Variants in JADE2 observed in about 807,000 individuals in gnomAD.
The protein encoded by JADE2 is E3 ubiquitin-protein ligase Jade-2.
A neutral mutation model predicts 85.7 loss-of-function variants in JADE2; 13 were observed. That is an observed-to-expected ratio of 0.15 (90% CI 0.10 to 0.24). The LOEUF is 0.24. JADE2 is among the 10% of genes least tolerant of loss of function. The probability of loss-of-function intolerance (pLI) is 1.00; values close to 1 mark genes in which losing one functional copy is unlikely to be tolerated. For missense variants in JADE2, 846 were observed against 1,115.9 expected, an observed-to-expected ratio of 0.76 and a Z score of 3.45; for synonymous variants, 440 against 456.1, an observed-to-expected ratio of 0.96 and a Z score of 0.45.
chr5:134,555,028 G>C (rs984504260), intron 4 of JADE2, among the ~76,000 whole-genome samples: 4 of 152,170 alleles, frequency 2.6e-5, no homozygotes, highest in African/African-American at 9.7e-5. Context: ...GGAAATCAAA[G>C]GCCCCGAGAA....
At chr5:134,535,259 C>T (rs1008241130) in intron 1 of JADE2, among the ~76,000 whole-genome samples, 1 of 152,104 alleles carries the variant, frequency 6.6e-6, no homozygotes, top group African/African-American at 2.4e-5. Flanking sequence ...GCAGGGTAGC[C>T]CAGCCCAGGA....
At position 134,532,739 on chromosome 5, in the gene JADE2, G is replaced by A. The variant is rs145634550; in HGVS notation, c.1-3119G>A. ...AGTCCTGGATTTCAGCTTTGGGAAAGGAGTCCTCCCTGTCCCTCTTGCTGA... is the reference window on the plus strand; with the variant it reads ...AGTCCTGGATTTCAGCTTTGGGAAAAGAGTCCTCCCTGTCCCTCTTGCTGA... On this transcript the variant is annotated intron_variant, in intron 1 of 11. Transcript: ENST00000681547. 3.4e-4 allele frequency among the ~76,000 whole-genome samples: 52 copies of A among 152,242 alleles called. 1 individual carries two copies. Among genetic ancestry groups the A allele is most frequent in the Non-Finnish European group, 5.1e-4 (35 of 68,018 alleles).
chr5:134,579,623 A>G lies in JADE2; in HGVS notation c.*306A>G, dbSNP rs1016862935. 1.1e-5 allele frequency: 4 copies of G among 355,236 alleles called. No homozygotes were observed. The South Asian group carries it at 1.9e-4, about 16-fold the overall frequency. 22.0% of individuals were successfully genotyped at this position (355,236 alleles called of 1,614,324 possible). A position where few individuals can be genotyped will look rare whatever the true frequency, so the allele number is the denominator to read the frequency against. ...CTGGCTAGATGCAAGCAAGGTGGACAAGAGCTCAGGACTCCAGCCCACTGC... is the reference window on the plus strand; with the variant it reads ...CTGGCTAGATGCAAGCAAGGTGGACGAGAGCTCAGGACTCCAGCCCACTGC... On this transcript the variant is annotated 3_prime_UTR_variant, in exon 12 of 12. Transcript: ENST00000681547. The surrounding 1 kb of genome is among the most constrained non-coding windows in gnomAD (Gnocchi z 4.6).
chr5:134,525,637 A>T, upstream of JADE2: 4 of 952,368 alleles, frequency 4.2e-6, no homozygotes, highest in Middle Eastern at 2.5e-4. Context: ...TTTTCTAAAG[A>T]GATCACAAGG....
At chr5:134,524,631 C>T (rs1315406481), upstream of JADE2, among the ~76,000 whole-genome samples, 1 of 152,356 alleles carries the variant, frequency 6.6e-6, no homozygotes, top group East Asian at 1.9e-4. Context: ...TGCAACCACC[C>T]ACCCACCCGC....
At chr5:134,526,253 G>A in intron 1 of JADE2, 1 of 985,496 alleles carries the variant, frequency 1.0e-6, no homozygotes, top group East Asian at 1.1e-4. Flanking sequence ...CGGGGAGGCT[G>A]AGAGGGGCGC....
At chr5:134,528,456 A>G (rs1217647477) in intron 1 of JADE2, among the ~76,000 whole-genome samples, 2 of 152,150 alleles carry the variant, frequency 1.3e-5, no homozygotes, top group Non-Finnish European at 2.9e-5. Context: ...CAGAATAACT[A>G]TAAGGGGGAA....
chr5:134,544,892 C>T (rs914599201), intron 3 of JADE2, among the ~76,000 whole-genome samples: 7 of 152,126 alleles, frequency 4.6e-5, no homozygotes, highest in African/African-American at 1.7e-4. Flanking sequence ...CCTCCTTCTA[C>T]CCTGGGTGAA....
In JADE2 at chr5:134,551,027, A is replaced by G. The variant is rs1194402067; in HGVS notation, c.154-1025A>G. On this transcript the variant is annotated intron_variant, in intron 3 of 11. Coordinates refer to ENST00000681547, the MANE Select transcript of JADE2 (RefSeq NM_001388185.1). The stretch of plus-strand genomic sequence containing the variant: ...AAGTCCCAGCTCATGTGAAGCCACT[A>G]TCTAGGCTGCCCTAAGCCCCGGCCG... Among the ~76,000 whole-genome samples, 3 of 151,978 alleles carry G rather than the reference A, an allele frequency of 2.0e-5. 1 individual carries two copies. Among genetic ancestry groups the G allele is most frequent in the African/African-American group, 7.3e-5 (3 of 41,360 alleles).
intron 4 of JADE2, among the ~76,000 whole-genome samples, chr5:134,553,125 A>G (rs1057429588): frequency 1.4e-5 from 2 of 147,074 alleles, no homozygotes; most frequent in African/African-American, 5.1e-5. Flanking sequence ...ACATGCCACC[A>G]CACATGGCTA....
upstream of JADE2, among the ~76,000 whole-genome samples, chr5:134,525,164 CTTTTT>C (rs763345253): frequency 2.2e-5 from 3 of 133,846 alleles, no homozygotes; most frequent in Non-Finnish European, 3.2e-5. Flanking sequence ...TATAAGCTCG[CTTTTT>C]TTTTTTTTTA....
rs748379433 is a variant in JADE2, at chr5:134,578,777, G to T, written c.1965G>T (p.Pro655=). The part of the protein sequence containing the change: ...PAKKKPPPPP[P]QDGPGSRTTP... Reference sequence around the variant, plus strand: ...AGAAGAAACCACCACCACCACCACCGCAGGACGGGCCTGGTTCACGGACGA... The same window carrying T: ...AGAAGAAACCACCACCACCACCACCTCAGGACGGGCCTGGTTCACGGACGA... The change falls in exon 12 of 12, where the codon CCG becomes CCT. Residue 655 remains proline, a synonymous_variant. Transcript: ENST00000681547. The surrounding 1 kb of genome is among the most constrained non-coding windows in gnomAD (Gnocchi z 4.4). 6.2e-7 allele frequency: 1 copy of T among 1,613,614 alleles called. No homozygotes were observed. Among genetic ancestry groups the T allele is most frequent in the Non-Finnish European group, 8.5e-7 (1 of 1,179,978 alleles).
At chr5:134,526,734 G>T in intron 1 of JADE2, 1 of 985,464 alleles carries the variant, frequency 1.0e-6, no homozygotes, top group South Asian at 4.7e-5. Context: ...AGTTTTTTTG[G>T]AGGGGCGGGG....
chr5:134,527,128 C>T (rs1760894296), intron 1 of JADE2, among the ~76,000 whole-genome samples: 1 of 151,144 alleles, frequency 6.6e-6, no homozygotes, highest in Non-Finnish European at 1.5e-5. Flanking sequence ...CCCCACCTAG[C>T]GCTGCTGCAG....
rs1763363905 is a variant in JADE2, at chr5:134,562,155, G to C, written c.685-45G>C. 2 of 1,554,406 alleles carry C rather than the reference G, an allele frequency of 1.3e-6. No homozygotes were observed. Among genetic ancestry groups the C allele is most frequent in the South Asian group, 2.4e-5 (2 of 82,538 alleles). On this transcript the variant is annotated intron_variant, in intron 6 of 11. Coordinates refer to ENST00000681547, the MANE Select transcript of JADE2 (RefSeq NM_001388185.1). This position sits in a 1 kb window ranked among gnomAD's most constrained non-coding sequence, Gnocchi z 4.6. ...TGCAGCTGACTGCTGACCAGACACA[G>C]ATTGGCCAGTTCCGCTGACTCATGA...
intron 5 of JADE2, 28 bp from the exon 6 acceptor site, chr5:134,560,718 C>G: frequency 6.3e-7 from 1 of 1,598,584 alleles, no homozygotes; most frequent in Non-Finnish European, 8.5e-7. Context: ...GCTCCTAACA[C>G]CACCATGCCC....
At chr5:134,573,032 G>C (rs1430445644) in intron 9 of JADE2, among the ~76,000 whole-genome samples, 1 of 152,260 alleles carries the variant, frequency 6.6e-6, no homozygotes, top group Non-Finnish European at 1.5e-5. Context: ...GATAGACATG[G>C]GTTGGCTGCA....
In JADE2 at chr5:134,581,013, A is replaced by G. The variant is rs549897757; in HGVS notation, c.*1696A>G. 1 of 152,710 alleles carries G rather than the reference A, an allele frequency of 6.5e-6. No individual in the cohort carries two copies. The highest frequency in any genetic ancestry group is 2.1e-4 in the South Asian group (1 of 4,822). 9.5% of individuals were successfully genotyped at this position (152,710 alleles called of 1,614,324 possible). ...TCCTCCCCAAATACATAAAGCAAAT[A>G]AGCAGGATGGGGAACAGCTTGACCT... On this transcript the variant is annotated 3_prime_UTR_variant, in exon 12 of 12. Transcript: ENST00000681547.
At chr5:134,572,539 A>T (rs566808728) in intron 9 of JADE2, among the ~76,000 whole-genome samples, 1 of 152,364 alleles carries the variant, frequency 6.6e-6, no homozygotes, top group East Asian at 1.9e-4. Context: ...CTCAGCCTTG[A>T]AGATGGAACC....
Sources: allele counts gnomAD v4.1 joint callset (sites outside exome capture counted in the v4.1 genomes callset), GRCh38; gene constraint gnomAD v4.1.1; non-coding constraint Gnocchi (gnomAD v3.1); transcripts MANE v1.5; gene names NCBI Gene and HGNC (gene_info 2026-07-23, HGNC 2026-07-21).